Variants in GPM6A observed in about 807,000 individuals in gnomAD.
The protein encoded by GPM6A is neuronal membrane glycoprotein M6-a.
Under a neutral mutation model 32.1 loss-of-function variants are expected in GPM6A, and 7 were observed. The observed-to-expected ratio is 0.22, with a 90% confidence interval of 0.12 to 0.41. The LOEUF is 0.41. Ranked by LOEUF, GPM6A falls within the 10% of genes least tolerant of loss-of-function variation. GPM6A has a pLI of 1.00. For synonymous variants in GPM6A, 130 were observed against 123.4 expected (o/e 1.05, Z -0.35); for missense variants, 235 against 347.2 (o/e 0.68, Z 2.57).
chr4:175,778,094 C>A (rs1733463784), intron 1 of GPM6A, among the ~76,000 whole-genome samples: 1 of 152,128 alleles, frequency 6.6e-6, no homozygotes, highest in African/African-American at 2.4e-5. Flanking sequence ...CGACTCTCTA[C>A]AATGCTTATT....
intron 1 of GPM6A, among the ~76,000 whole-genome samples, chr4:175,838,444 C>G (rs1457763206): frequency 2.0e-5 from 3 of 150,716 alleles, no homozygotes; most frequent in Non-Finnish European, 4.4e-5. Context: ...AGGAAAGCTG[C>G]AACTTTTTTT....
intron 1 of GPM6A, among the ~76,000 whole-genome samples, chr4:175,980,576 A>C (rs1355992488): frequency 6.6e-6 from 1 of 152,202 alleles, no homozygotes; most frequent in Non-Finnish European, 1.5e-5. Flanking sequence ...TCCTAAATAA[A>C]CTGGGGTTCT....
chr4:175,954,539 G>A (rs1298616052), intron 1 of GPM6A, among the ~76,000 whole-genome samples: 1 of 152,204 alleles, frequency 6.6e-6, no homozygotes, highest in Non-Finnish European at 1.5e-5. Context: ...ACCACACTGA[G>A]TTTTGTCTAT....
intron 1 of GPM6A, among the ~76,000 whole-genome samples, chr4:175,752,264 A>G (rs1368536856): frequency 6.6e-6 from 1 of 152,122 alleles, no homozygotes; most frequent in East Asian, 1.9e-4. Context: ...ATATTTTCAA[A>G]TCCCTGTTCT....
At chr4:175,825,248 G>A (rs1206988709) in intron 1 of GPM6A, among the ~76,000 whole-genome samples, 2 of 152,198 alleles carry the variant, frequency 1.3e-5, no homozygotes, top group African/African-American at 4.8e-5. Context: ...ACCTTGGGGT[G>A]CAGTAATCTT....
chr4:175,972,036 G>A (rs1467498622), intron 1 of GPM6A: 1 of 152,112 alleles, frequency 6.6e-6, no homozygotes, highest in Non-Finnish European at 1.5e-5. Flanking sequence ...AGAGAGTCAC[G>A]TGCAGTGTCT....
intron 1 of GPM6A, among the ~76,000 whole-genome samples, chr4:175,902,070 A>G (rs1272186208): frequency 2.6e-5 from 4 of 152,182 alleles, no homozygotes; most frequent in Non-Finnish European, 5.9e-5. Context: ...CTTTTTTTGT[A>G]GTAGTCTAAA....
At chr4:175,672,486 T>G (rs57008168) in intron 3 of GPM6A, among the ~76,000 whole-genome samples, 7,529 of 152,298 alleles carry the variant, frequency 0.049, 213 homozygotes, top group Non-Finnish European at 0.063. Context: ...AAAATCGGAA[T>G]TTGCCTTTTT....
chr4:175,797,943 T>G (rs1237779948), intron 1 of GPM6A, among the ~76,000 whole-genome samples: 1 of 152,116 alleles, frequency 6.6e-6, no homozygotes, highest in East Asian at 1.9e-4. Flanking sequence ...CTAAGTGTGG[T>G]TCCAGGATCC....
intron 1 of GPM6A, among the ~76,000 whole-genome samples, chr4:175,868,111 C>T (rs1451443280): frequency 6.6e-6 from 1 of 152,182 alleles, no homozygotes; most frequent in Non-Finnish European, 1.5e-5. Flanking sequence ...CATCAAGCCT[C>T]CAGCAATTTG....
rs558039031 is a variant in GPM6A, at chr4:175,664,667, G to T, written c.387+9013C>A. Among the ~76,000 whole-genome samples, 196 of 152,236 alleles carry T rather than the reference G, an allele frequency of 1.3e-3. 1 individual carries two copies. The highest frequency in any genetic ancestry group is 4.6e-3 in the African/African-American group (192 of 41,546). Reference sequence around the variant, plus strand: ...CTCCATCCTGATCTAGCACACGGATGACTGCAGTCCTCTATGTATTTCATT... The same window carrying T: ...CTCCATCCTGATCTAGCACACGGATTACTGCAGTCCTCTATGTATTTCATT... On this transcript the variant is annotated intron_variant, in intron 3 of 6. Coordinates refer to ENST00000393658, the MANE Select transcript of GPM6A (RefSeq NM_201591.3).
chr4:175,651,362 GTTT>G (rs11346196), intron 4 of GPM6A, among the ~76,000 whole-genome samples: 21,311 of 151,152 alleles, frequency 0.14, 1,957 homozygotes, highest in Non-Finnish European at 0.2. Context: ...TTTATTTAGC[GTTT>G]TTTTTTTTGT....
chr4:175,890,734 A>G (rs1486133658), intron 1 of GPM6A, among the ~76,000 whole-genome samples: 1 of 151,640 alleles, frequency 6.6e-6, no homozygotes, highest in East Asian at 1.9e-4. Context: ...TTATTTTTAT[A>G]TTGTAGAGAT....
chr4:175,804,463 T>A (rs1004979103), intron 1 of GPM6A, among the ~76,000 whole-genome samples: 1 of 152,180 alleles, frequency 6.6e-6, no homozygotes, highest in Non-Finnish European at 1.5e-5. Context: ...CTTAGTTTCC[T>A]GTAGAGTTTG....
At chr4:175,784,008 A>C (rs909205270) in intron 1 of GPM6A, among the ~76,000 whole-genome samples, 6 of 152,114 alleles carry the variant, frequency 3.9e-5, no homozygotes, top group African/African-American at 1.4e-4. Flanking sequence ...CTTTTTTAAC[A>C]TACATAGTTT....
chr4:175,801,995 CGTATAA>C (rs1734491286), intron 1 of GPM6A, among the ~76,000 whole-genome samples: 1 of 151,932 alleles, frequency 6.6e-6, no homozygotes, highest in Non-Finnish European at 1.5e-5. Context: ...TACTACACTC[CGTATAA>C]GTATAATGAG....
At chr4:175,905,016 C>T (rs1432642147) in intron 1 of GPM6A, among the ~76,000 whole-genome samples, 4 of 152,062 alleles carry the variant, frequency 2.6e-5, no homozygotes, top group Non-Finnish European at 5.9e-5. Flanking sequence ...TCATTTATCA[C>T]ATATGCATAT....
Position 175,894,224 on chromosome 4 carries a change from A to C in GPM6A, c.-22-81975T>G, listed in dbSNP as rs565088206. ...TCATGTTAGAATTACATTTTTTTTTAGTTCTTTGAAGATACTTTTGCTCAG... is the reference window on the plus strand; with the variant it reads ...TCATGTTAGAATTACATTTTTTTTTCGTTCTTTGAAGATACTTTTGCTCAG... On this transcript the variant is annotated intron_variant, in intron 1 of 7. Coordinates refer to the GPM6A transcript ENST00000280187. 5.9e-5 allele frequency among the ~76,000 whole-genome samples: 9 copies of C among 152,106 alleles called. No homozygotes were observed. In the South Asian group the frequency reaches 1.9e-3, roughly 32 times the overall value.
chr4:175,721,471 G>A (rs991075027), intron 1 of GPM6A, among the ~76,000 whole-genome samples: 6 of 150,426 alleles, frequency 4.0e-5, no homozygotes, highest in East Asian at 1.9e-4. Flanking sequence ...GCGAGACTCC[G>A]TCTCAAGAAA....
Sources: gnomAD v4.1 joint callset for allele counts (sites outside exome capture counted in the v4.1 genomes callset) on GRCh38, gnomAD v4.1.1 for gene constraint, MANE v1.5 for transcripts, NCBI Gene and HGNC (gene_info 2026-07-23, HGNC 2026-07-21) for gene names.